The following PCDHGA6 variants were observed in gnomAD, a reference collection of about 807,000 sequenced individuals.
The protein encoded by PCDHGA6 is protocadherin gamma-A6.
PCDHGA6 carries 41 observed loss-of-function variants against 60.6 expected under a neutral mutation model. The observed-to-expected ratio is 0.68, with a 90% CI of 0.53 to 0.88. PCDHGA6 has a LOEUF of 0.88. Ranked by LOEUF, PCDHGA6 falls within the 40% of genes least tolerant of loss-of-function variation. The pLI is 0.00. For synonymous variants in PCDHGA6, 594 were observed against 524.4 expected (o/e 1.13, Z -1.81); for missense variants, 1,312 against 1,203.0 (o/e 1.09, Z -1.34).
intron 1 of PCDHGA6, among the ~76,000 whole-genome samples, chr5:141,449,030 G>C (rs2098623784): frequency 6.6e-6 from 1 of 152,012 alleles, no homozygotes; most frequent in Non-Finnish European, 1.5e-5. Context: ...GCATTCCTTT[G>C]GATTATTAAC....
At chr5:141,413,562 T>C in intron 1 of PCDHGA6, 1 of 1,613,850 alleles carries the variant, frequency 6.2e-7, no homozygotes, top group Non-Finnish European at 8.5e-7. Context: ...AAGTAACTGA[T>C]ATCAATGACA....
chr5:141,387,347 T>C (rs1213698437), intron 1 of PCDHGA6, among the ~76,000 whole-genome samples: 1 of 152,152 alleles, frequency 6.6e-6, no homozygotes. Flanking sequence ...TCTGAGACGG[T>C]TTAGGCCAAG....
chr5:141,467,907 C>A (rs1166486426), intron 1 of PCDHGA6, among the ~76,000 whole-genome samples: 1 of 152,156 alleles, frequency 6.6e-6, no homozygotes, highest in Non-Finnish European at 1.5e-5. Flanking sequence ...AATCCGCCCA[C>A]CTCAGCCTCC....
chr5:141,408,158 T>G lies in PCDHGA6; in HGVS notation c.2424+31651T>G, dbSNP rs1190245850. On this transcript the variant is annotated intron_variant, in intron 1 of 3. Coordinates refer to ENST00000517434, the MANE Select transcript of PCDHGA6 (RefSeq NM_018919.3). ...TCTTTTAGCGCGGTAGAGTGCACTTTCTCCAACTGGAAAAGCGGGGACCCA... is the reference window on the plus strand; with the variant it reads ...TCTTTTAGCGCGGTAGAGTGCACTTGCTCCAACTGGAAAAGCGGGGACCCA... The G allele has an allele frequency of 2.0e-6, 3 of 1,515,140 alleles. No individual in the cohort carries two copies. In the Admixed American group the frequency reaches 6.4e-5, roughly 32 times the overall value. The allele number at this position is 1,515,140 out of a possible 1,614,324, so 93.9% of individuals were successfully genotyped here.
chr5:141,503,924 G>C (rs1282755998), intron 2 of PCDHGA6, among the ~76,000 whole-genome samples: 1 of 152,146 alleles, frequency 6.6e-6, no homozygotes, highest in Non-Finnish European at 1.5e-5. Flanking sequence ...CACACACACA[G>C]ACATTTTCAT....
chr5:141,485,362 G>T lies in PCDHGA6; in HGVS notation c.2425-9445G>T. 6.2e-7 allele frequency: 1 copy of T among 1,614,144 alleles called. No individual in the cohort carries two copies. ...ATACGGACAGTCTGTCAGCTCGCAG[G>T]CTGCAGGTCGCTGGAGAGGTGAACC... is the stretch of plus-strand genomic sequence containing the variant. On this transcript the variant is annotated intron_variant, in intron 1 of 3. Coordinates refer to ENST00000517434, the MANE Select transcript of PCDHGA6 (RefSeq NM_018919.3). The surrounding 1 kb of genome is among the most constrained non-coding windows in gnomAD (Gnocchi z 5.7).
At chr5:141,382,862 C>T (rs1026124728) in intron 1 of PCDHGA6, 2 of 1,514,358 alleles carry the variant, frequency 1.3e-6, no homozygotes, top group Non-Finnish European at 1.8e-6. Context: ...TGAAGCACTT[C>T]CCGAGATCGG....
At chr5:141,418,328 G>C in intron 1 of PCDHGA6, 1 of 1,614,002 alleles carries the variant, frequency 6.2e-7, no homozygotes. Flanking sequence ...TCTTGAGTCT[G>C]CAGAAGATCC....
chr5:141,375,643 CGACTAT>C lies in PCDHGA6; in HGVS notation c.1563_1568del (p.Asp521_Tyr522del). 1 of 1,614,210 alleles carries C rather than the reference CGACTAT, an allele frequency of 6.2e-7. No individual in the cohort carries two copies. Among genetic ancestry groups the C allele is most frequent in the Non-Finnish European group, 8.5e-7 (1 of 1,180,032 alleles). The stretch of plus-strand genomic sequence containing the variant: ...GGATTCTGTACGCCCTGCGCTCCTT[CGACTAT>C]GAGCAGTTGAGAGACCTACAGCTGT... On this transcript the variant is annotated inframe_deletion, in exon 1 of 4. Transcript: ENST00000517434.
At chr5:141,451,712 C>G (rs769620335) in intron 1 of PCDHGA6, among the ~76,000 whole-genome samples, 2 of 151,994 alleles carry the variant, frequency 1.3e-5, no homozygotes, top group African/African-American at 4.8e-5. Context: ...CAAAACCCTG[C>G]CTCTACTAAA....
At chr5:141,482,544 A>AAAC (rs1041838777) in intron 1 of PCDHGA6, among the ~76,000 whole-genome samples, 4 of 151,844 alleles carry the variant, frequency 2.6e-5, no homozygotes, top group Non-Finnish European at 4.4e-5. Context: ...AAAAAAAAAA[A>AAAC]AAAAAGATAA....
intron 2 of PCDHGA6, among the ~76,000 whole-genome samples, chr5:141,495,262 A>G (rs550950979): frequency 1.3e-5 from 2 of 152,246 alleles, no homozygotes; most frequent in South Asian, 2.1e-4. Flanking sequence ...GCAGAAAAGC[A>G]TTTGACCGGA....
Position 141,490,311 on chromosome 5 carries a change from C to T in PCDHGA6, c.2425-4496C>T. 6.2e-7 allele frequency: 1 copy of T among 1,614,200 alleles called. No individual in the cohort carries two copies. The highest frequency in any genetic ancestry group is 8.5e-7 in the Non-Finnish European group (1 of 1,180,018). On this transcript the variant is annotated intron_variant, in intron 1 of 3. Coordinates refer to ENST00000517434, the MANE Select transcript of PCDHGA6 (RefSeq NM_018919.3). This position sits in a 1 kb window ranked among gnomAD's most constrained non-coding sequence, Gnocchi z 5.4. ...AGGTGCTATTGGCCTCTTTGGCCAA[C>T]CCTGTCCTAGAGAGCACACCAGTGG...
In PCDHGA6 at chr5:141,382,960, G is replaced by C. The variant is rs62621829; in HGVS notation, c.2424+6453G>C. The C allele has an allele frequency of 3.2e-4, 511 of 1,607,476 alleles. 2 individuals are homozygous for C. The highest frequency in any genetic ancestry group is 5.5e-5 in the Non-Finnish European group (65 of 1,175,660). On this transcript the variant is annotated intron_variant, in intron 1 of 3. Coordinates refer to ENST00000517434, the MANE Select transcript of PCDHGA6 (RefSeq NM_018919.3). ...ATTCTTCCTGCTCTCCATCCTCCTGGGGACCCCCTGGGAAGCCTGGGCAGG... is the reference window on the plus strand; with the variant it reads ...ATTCTTCCTGCTCTCCATCCTCCTGCGGACCCCCTGGGAAGCCTGGGCAGG...
intron 1 of PCDHGA6, chr5:141,418,214 G>A: frequency 6.2e-7 from 1 of 1,614,064 alleles, no homozygotes; most frequent in Non-Finnish European, 8.5e-7. Flanking sequence ...TATTTTTCAT[G>A]TCATTGTGGT....
chr5:141,422,549 TGAA>T (rs1554114956), intron 1 of PCDHGA6: 8 of 1,614,026 alleles, frequency 5.0e-6, no homozygotes, highest in Non-Finnish European at 6.8e-6. Flanking sequence ...CATGTCTGGC[TGAA>T]TGTGGCAGAT....
chr5:141,477,393 G>C lies in PCDHGA6; in HGVS notation c.2425-17414G>C. ...GAGACTGTGCCAGAATACAACCTCA[G>C]CATCACCGCCCGAGACGCCGGAACC... On this transcript the variant is annotated intron_variant, in intron 1 of 3. Coordinates refer to ENST00000517434, the MANE Select transcript of PCDHGA6 (RefSeq NM_018919.3). The surrounding 1 kb of genome is among the most constrained non-coding windows in gnomAD (Gnocchi z 4.9). The C allele has an allele frequency of 6.2e-7, 1 of 1,614,098 alleles. No individual in the cohort carries two copies. The highest frequency in any genetic ancestry group is 8.5e-7 in the Non-Finnish European group (1 of 1,180,028).
intron 1 of PCDHGA6, among the ~76,000 whole-genome samples, chr5:141,454,881 C>G (rs2098805859): frequency 7.4e-6 from 1 of 135,536 alleles, no homozygotes; most frequent in African/African-American, 2.8e-5. Flanking sequence ...GATCTTGGCT[C>G]ACTGCTAGCA....
intron 1 of PCDHGA6, among the ~76,000 whole-genome samples, chr5:141,464,370 T>C (rs1239284694): frequency 6.6e-6 from 1 of 151,828 alleles, no homozygotes. Context: ...CCAATATTTT[T>C]GCAATATAAA....
Sources: gnomAD v4.1 joint callset for allele counts (sites outside exome capture counted in the v4.1 genomes callset) on GRCh38, gnomAD v4.1.1 for gene constraint, Gnocchi (gnomAD v3.1) non-coding constraint, MANE v1.5 for transcripts, NCBI Gene and HGNC (gene_info 2026-07-23, HGNC 2026-07-21) for gene names.